The following AFDN variants were observed in gnomAD, a reference collection of about 807,000 sequenced individuals.
AFDN encodes the protein afadin, adherens junction formation factor, also known as afadin.
A neutral mutation model predicts 216.6 loss-of-function variants in AFDN; 68 were observed. That is an observed-to-expected ratio of 0.31 (90% CI 0.26 to 0.38). AFDN has a LOEUF of 0.38. Among genes scored for constraint, AFDN ranks in the 10% least tolerant of loss-of-function variants. The pLI is 1.00. For missense variants in AFDN, 2,136 were observed against 2,342.0 expected, an observed-to-expected ratio of 0.91 and a Z score of 1.82; for synonymous variants, 868 against 853.7, an observed-to-expected ratio of 1.02 and a Z score of -0.29.
chr6:167,908,911 T>A (rs1375060724), intron 13 of AFDN, among the ~76,000 whole-genome samples: 1 of 152,122 alleles, frequency 6.6e-6, no homozygotes, highest in Non-Finnish European at 1.5e-5. Context: ...CATGAAAAAT[T>A]TAAACGTGTT....
chr6:167,890,979 G>A lies in AFDN; in HGVS notation c.1127G>A (p.Gly376Asp), dbSNP rs893146467. Residue 376 changes from glycine (G) to aspartate (D), a missense_variant, in exon 8 of 34, where the codon GGC (glycine) becomes GAC (aspartate). Coordinates refer to ENST00000683244, the MANE Select transcript of AFDN (RefSeq NM_001386888.1). ...GKERADGSGY[G>D]STLPPEKLPY... ...GAGAGAGCTGACGGGTCTGGCTATG[G>A]CTCCACCCTTCCTCCGGAGAAGCTG... 6.2e-7 allele frequency: 1 copy of A among 1,614,024 alleles called. No homozygotes were observed. Among genetic ancestry groups the A allele is most frequent in the Non-Finnish European group, 8.5e-7 (1 of 1,179,960 alleles).
chr6:167,955,457 T>A (rs1440717944), intron 30 of AFDN, among the ~76,000 whole-genome samples: 2 of 152,158 alleles, frequency 1.3e-5, no homozygotes, highest in African/African-American at 4.8e-5. Context: ...TCTCCCTACT[T>A]CTTTGTGTGT....
intron 1 of AFDN, chr6:167,827,847 T>TCTGGGC (rs1446854584): frequency 6.6e-6 from 1 of 152,166 alleles, no homozygotes. Context: ...GGAAGGGCCC[T>TCTGGGC]CTGCGGCGGC....
At chr6:167,966,266 C>A in intron 32 of AFDN, 1 of 1,519,716 alleles carries the variant, frequency 6.6e-7, no homozygotes. Context: ...CCAGCCACTG[C>A]AAAGGTAGAG....
chr6:167,913,034 TTAA>T (rs1254231403), intron 15 of AFDN, among the ~76,000 whole-genome samples: 4 of 152,176 alleles, frequency 2.6e-5, no homozygotes, highest in Non-Finnish European at 4.4e-5. Flanking sequence ...TAGGTACCTT[TTAA>T]GTAAGTAGTA....
intron 1 of AFDN, among the ~76,000 whole-genome samples, chr6:167,834,317 A>G: frequency 6.6e-6 from 1 of 152,106 alleles, no homozygotes; most frequent in Admixed American, 6.6e-5. Context: ...GTATCCTCAT[A>G]AGTGCTCGCA....
At chr6:167,895,134 T>A (rs1277869489) in intron 9 of AFDN, among the ~76,000 whole-genome samples, 1 of 147,718 alleles carries the variant, frequency 6.8e-6, no homozygotes, top group Non-Finnish European at 1.5e-5. Context: ...TTTTTTTTTG[T>A]AAACCTAGCC....
chr6:167,921,697 T>A (rs116079681), intron 21 of AFDN, among the ~76,000 whole-genome samples: 1,584 of 152,210 alleles, frequency 0.01, 33 homozygotes, highest in African/African-American at 0.036. Context: ...AATTTATAAT[T>A]GTTCAGATTT....
intron 26 of AFDN, among the ~76,000 whole-genome samples, chr6:167,946,112 T>C (rs1795225150): frequency 1.3e-5 from 2 of 152,234 alleles, no homozygotes; most frequent in South Asian, 4.1e-4. Flanking sequence ...TTGTCTGCCT[T>C]GCTCAGCATG....
At chr6:167,923,655 C>T (rs373110031) in intron 22 of AFDN, among the ~76,000 whole-genome samples, 3 of 135,458 alleles carry the variant, frequency 2.2e-5, no homozygotes, top group African/African-American at 5.5e-5. Flanking sequence ...GACAGAGTCT[C>T]GCTCAGTCGC....
intron 1 of AFDN, among the ~76,000 whole-genome samples, chr6:167,855,249 T>C (rs1186915227): frequency 6.6e-6 from 1 of 152,142 alleles, no homozygotes; most frequent in Non-Finnish European, 1.5e-5. Flanking sequence ...TAAATTGTTT[T>C]TCGTGTGCTT....
At chr6:167,967,275 A>G (rs978406185) in intron 32 of AFDN, among the ~76,000 whole-genome samples, 1 of 152,220 alleles carries the variant, frequency 6.6e-6, no homozygotes, top group Non-Finnish European at 1.5e-5. Context: ...GAAATTGTCA[A>G]ATATTCTAAG....
chr6:167,896,812 G>T, intron 9 of AFDN, 66 bp from the exon 10 acceptor site: 2 of 957,738 alleles, frequency 2.1e-6, no homozygotes, highest in Non-Finnish European at 3.3e-6. Flanking sequence ...CCTTTTGTTT[G>T]TTGGAAATAA....
intron 13 of AFDN, among the ~76,000 whole-genome samples, chr6:167,910,562 T>C (rs1452565191): frequency 1.3e-5 from 2 of 152,192 alleles, no homozygotes; most frequent in Non-Finnish European, 2.9e-5. Context: ...AACATCTCTT[T>C]ATAAGGCATG....
intron 1 of AFDN, among the ~76,000 whole-genome samples, chr6:167,858,149 A>G (rs1295607903): frequency 1.3e-5 from 2 of 152,128 alleles, no homozygotes; most frequent in African/African-American, 4.8e-5. Context: ...GCTGACTAAG[A>G]GTTTGGGTAG....
At chr6:167,915,130 C>CAT in intron 18 of AFDN, 38 bp from the exon 19 acceptor site, 1 of 1,605,198 alleles carries the variant, frequency 6.2e-7, no homozygotes, top group Non-Finnish European at 8.5e-7. Context: ...TCCTGGATGA[C>CAT]ATTTTGCTCC....
chr6:167,888,654 T>C (rs1787176982), intron 6 of AFDN, among the ~76,000 whole-genome samples: 1 of 152,228 alleles, frequency 6.6e-6, no homozygotes, highest in Non-Finnish European at 1.5e-5. Flanking sequence ...ATACAGTATA[T>C]TGAAACAGGT....
At chr6:167,943,800 C>T in intron 25 of AFDN, 141 bp from the exon 26 acceptor site, 1 of 717,296 alleles carries the variant, frequency 1.4e-6, no homozygotes, top group Non-Finnish European at 2.3e-6. Flanking sequence ...AGTGAGTAAG[C>T]TGTCTGGAAG....
chr6:167,875,855 C>T (rs1269654072), intron 5 of AFDN, among the ~76,000 whole-genome samples: 1 of 152,142 alleles, frequency 6.6e-6, no homozygotes, highest in Non-Finnish European at 1.5e-5. Flanking sequence ...TATTGGGAAG[C>T]AAATCCCTAA....
Sources: gnomAD v4.1 joint callset for allele counts (sites outside exome capture counted in the v4.1 genomes callset) on GRCh38, gnomAD v4.1.1 for gene constraint, MANE v1.5 for transcripts, NCBI Gene and HGNC (gene_info 2026-07-23, HGNC 2026-07-21) for gene names.